The following ZFAT variants were observed in gnomAD, a reference collection of about 807,000 sequenced individuals.
ZFAT encodes the protein zinc finger protein ZFAT.
Under a neutral mutation model 117.7 loss-of-function variants are expected in ZFAT, and 64 were observed. That is an observed-to-expected ratio of 0.54 (90% CI 0.44 to 0.67). The LOEUF is 0.67. ZFAT is among the 30% of genes least tolerant of loss of function. The pLI is 0.00. For synonymous variants in ZFAT, 679 were observed against 615.0 expected (o/e 1.10, Z -1.54); for missense variants, 1,433 against 1,584.5 (o/e 0.90, Z 1.62).
chr8:134,728,716 C>T, the ZFAT span, among the ~76,000 whole-genome samples: 3 of 152,282 alleles, frequency 2.0e-5, no homozygotes, highest in African/African-American at 7.2e-5. Flanking sequence ...TAGCAGCACT[C>T]CTGAAGTTTG....
chr8:134,669,684 A>G (rs1265425330), intron 1 of ZFAT, among the ~76,000 whole-genome samples: 3 of 152,264 alleles, frequency 2.0e-5, no homozygotes, highest in Non-Finnish European at 2.9e-5. Flanking sequence ...CTAGGAAGAA[A>G]CTGCATCAAC....
the ZFAT span, among the ~76,000 whole-genome samples, chr8:134,780,243 T>C: frequency 1.3e-5 from 2 of 152,212 alleles, no homozygotes; most frequent in East Asian, 3.8e-4. Context: ...CCCCTATTTC[T>C]TGTCCTGGGA....
intron 10 of ZFAT, among the ~76,000 whole-genome samples, chr8:134,570,464 A>C (rs548993357): frequency 6.6e-6 from 1 of 152,240 alleles, no homozygotes; most frequent in Admixed American, 6.5e-5. Flanking sequence ...TTTTCGCCTC[A>C]TGACAGTGGA....
At chr8:134,605,499 T>TCG (rs916623160) in intron 5 of ZFAT, among the ~76,000 whole-genome samples, 59 of 146,206 alleles carry the variant, frequency 4.0e-4, no homozygotes, top group African/African-American at 1.5e-3. Context: ...TGAGCCCAGA[T>TCG]CGCGCCACTG....
intron 1 of ZFAT, among the ~76,000 whole-genome samples, chr8:134,673,978 A>C (rs567030330): frequency 1.3e-5 from 2 of 152,318 alleles, no homozygotes; most frequent in African/African-American, 4.8e-5. Context: ...GGTAGCTGGC[A>C]AGATGGCCGA....
chr8:134,583,748 G>A (rs913358372), intron 10 of ZFAT, 84 bp downstream of exon 10: 1 of 1,516,640 alleles, frequency 6.6e-7, no homozygotes. Context: ...CCTGCCTCTG[G>A]TACAGCAAGT....
intron 11 of ZFAT, among the ~76,000 whole-genome samples, chr8:134,545,758 C>G (rs1321729791): frequency 2.0e-5 from 3 of 152,146 alleles, no homozygotes; most frequent in Non-Finnish European, 2.9e-5. Flanking sequence ...AGGGTGGGCT[C>G]AGGAAGACCC....
chr8:134,635,617 CAG>C lies in ZFAT; in HGVS notation c.448+1842_448+1843del, dbSNP rs1213566204. On this transcript the variant is annotated intron_variant, in intron 3 of 15. Coordinates refer to ENST00000377838, the MANE Select transcript of ZFAT (RefSeq NM_020863.4). The stretch of plus-strand genomic sequence containing the variant: ...TATGCATGTGAGACAGAAAGAGAGA[CAG>C]GGAGAGAGAGAGAGAGTCAGGGAGA... Among the ~76,000 whole-genome samples, 537 of 146,082 alleles carry C rather than the reference CAG, an allele frequency of 3.7e-3. 5 individuals carry two copies. Among genetic ancestry groups the C allele is most frequent in the African/African-American group, 0.013 (506 of 39,202 alleles).
At chr8:134,610,806 G>T (rs778585865) in intron 3 of ZFAT, 151 bp from the exon 4 acceptor site, 1 of 840,296 alleles carries the variant, frequency 1.2e-6, no homozygotes, top group Admixed American at 2.8e-5. Context: ...TAGGTACCAC[G>T]GTGGCTCTTC....
the ZFAT span, among the ~76,000 whole-genome samples, chr8:134,780,082 T>A: frequency 6.6e-6 from 1 of 152,218 alleles, no homozygotes; most frequent in Admixed American, 6.5e-5. Context: ...AGTTATCTGA[T>A]GTGGTGTGTT....
At chr8:134,670,483 A>T (rs919267367) in intron 1 of ZFAT, among the ~76,000 whole-genome samples, 6 of 152,270 alleles carry the variant, frequency 3.9e-5, no homozygotes, top group African/African-American at 1.4e-4. Context: ...GAAACTGAAC[A>T]ACCTGCTCCT....
At chr8:134,744,979 T>C in the ZFAT span, among the ~76,000 whole-genome samples, 168 of 151,412 alleles carry the variant, frequency 1.1e-3, no homozygotes, top group African/African-American at 3.9e-3. Context: ...TCCGCCCACC[T>C]CGGCCTCCCA....
At chr8:134,494,628 C>T (rs1818296910) in intron 15 of ZFAT, among the ~76,000 whole-genome samples, 1 of 152,232 alleles carries the variant, frequency 6.6e-6, no homozygotes, top group Non-Finnish European at 1.5e-5. Flanking sequence ...GAAAACGGAG[C>T]TGGCAGGACC....
In ZFAT at chr8:134,602,382, G is replaced by A. The variant is rs929866747; in HGVS notation, c.1337C>T (p.Ala446Val). The A allele has an allele frequency of 1.1e-5, 18 of 1,613,732 alleles. No individual in the cohort carries two copies. The highest frequency in any genetic ancestry group is 1.0e-4 in the Admixed American group (6 of 60,014). ...LCGHGATKYQALELHVRKHPF... is the reference protein window; with the variant it reads ...LCGHGATKYQVLELHVRKHPF... ...GTGCTTCCTGACATGCAGTTCCAGCGCCTGGTACTTGGTGGCCCCATGGCC... is the reference window on the plus strand; with the variant it reads ...GTGCTTCCTGACATGCAGTTCCAGCACCTGGTACTTGGTGGCCCCATGGCC... Residue 446 changes from alanine to valine, a missense_variant, in exon 6 of 16, where the codon GCG (alanine) becomes GTG (valine). Coordinates refer to ENST00000377838, the MANE Select transcript of ZFAT (RefSeq NM_020863.4).
Position 134,712,878 on chromosome 8 carries a change from G to A in ZFAT, c.-15C>T. The A allele has an allele frequency of 8.2e-7, 1 of 1,222,084 alleles. No homozygotes were observed. The allele number at this position is 1,222,084 out of a possible 1,614,324, so 75.7% of individuals were successfully genotyped here. ...CGCGTCTCCATGGCAACGCCCCACC[G>A]CGGAGGAAAAAAAAGCCTCGGGCTC... On this transcript the variant is annotated 5_prime_UTR_variant, in exon 1 of 16. Transcript: ENST00000377838.
chr8:134,785,334 C>T, the ZFAT span: 1 of 152,050 alleles, frequency 6.6e-6, no homozygotes, highest in Non-Finnish European at 1.5e-5. Flanking sequence ...CTCTAATATT[C>T]AGTGTCTTTT....
In ZFAT at chr8:134,478,269, T is replaced by C; in HGVS notation, c.*213A>G. 1 of 628,936 alleles carries C rather than the reference T, an allele frequency of 1.6e-6. No individual in the cohort carries two copies. Among genetic ancestry groups the C allele is most frequent in the Non-Finnish European group, 2.7e-6 (1 of 366,036 alleles). The allele number at this position is 628,936 out of a possible 1,614,324, so 39.0% of individuals were successfully genotyped here. On this transcript the variant is annotated 3_prime_UTR_variant, in exon 16 of 16. Transcript: ENST00000377838. This position sits in a 1 kb window ranked among gnomAD's most constrained non-coding sequence, Gnocchi z 5.2. The stretch of plus-strand genomic sequence containing the variant: ...GATGGTAAGGGTCAGGGGGTGTGTG[T>C]CTATGCTGGGGTGAGGGTCCTGTGG...
At chr8:134,571,764 T>C (rs1824928841) in intron 10 of ZFAT, among the ~76,000 whole-genome samples, 1 of 152,238 alleles carries the variant, frequency 6.6e-6, no homozygotes, top group African/African-American at 2.4e-5. Flanking sequence ...TGAGCTATCA[T>C]ATAAATAAAA....
rs981780233 is a variant in ZFAT, at chr8:134,657,429, C to T, written c.196+132G>A. ...AAGGCACAATCTTATTTGAGCATAT[C>T]TACAATTGGAGACTTATTGTGACTT... On this transcript the variant is annotated intron_variant, in intron 2 of 15. Coordinates refer to ENST00000377838, the MANE Select transcript of ZFAT (RefSeq NM_020863.4). The T allele has an allele frequency of 9.6e-6, 9 of 935,738 alleles. 1 individual carries two copies. Among genetic ancestry groups the T allele is most frequent in the Admixed American group, 5.7e-5 (2 of 34,958 alleles). The allele number at this position is 935,738 out of a possible 1,614,324, so 58.0% of individuals were successfully genotyped here.
Sources: allele counts gnomAD v4.1 joint callset (sites outside exome capture counted in the v4.1 genomes callset), GRCh38; gene constraint gnomAD v4.1.1; non-coding constraint Gnocchi (gnomAD v3.1); transcripts MANE v1.5; gene names NCBI Gene and HGNC (gene_info 2026-07-23, HGNC 2026-07-21).